The following KHDRBS2 variants were observed in gnomAD, a reference collection of about 807,000 sequenced individuals.
KHDRBS2 encodes the protein KH domain-containing, RNA-binding, signal transduction-associated protein 2.
In KHDRBS2, 26 loss-of-function variants were observed where a neutral mutation model predicts 44.3. The ratio of observed to expected loss-of-function variants is 0.59; its 90% CI spans 0.43 to 0.81. The LOEUF (loss-of-function observed/expected upper bound fraction) is 0.81. Ranked by LOEUF, KHDRBS2 falls within the 40% of genes least tolerant of loss-of-function variation. KHDRBS2 has a pLI of 0.00. For synonymous variants in KHDRBS2, 194 were observed against 151.1 expected, an observed-to-expected ratio of 1.28 and a Z score of -2.08; for missense variants, 476 against 433.1, an observed-to-expected ratio of 1.10 and a Z score of -0.88.
chr6:62,156,631 T>C (rs1220765390), intron 2 of KHDRBS2, among the ~76,000 whole-genome samples: 1 of 152,116 alleles, frequency 6.6e-6, no homozygotes, highest in African/African-American at 2.4e-5. Flanking sequence ...AAAAGTTAAT[T>C]TTGTAGCTTT....
intron 6 of KHDRBS2, among the ~76,000 whole-genome samples, chr6:61,774,170 A>G (rs904874096): frequency 2.9e-4 from 44 of 152,234 alleles, no homozygotes; most frequent in African/African-American, 9.4e-4. Flanking sequence ...GTTTTTTCCA[A>G]TTCTGTGAAG....
the KHDRBS2 span, among the ~76,000 whole-genome samples, chr6:61,570,453 C>T: frequency 1.3e-5 from 2 of 151,784 alleles, no homozygotes; most frequent in African/African-American, 4.8e-5. Context: ...AACTGTTGTT[C>T]CTGAAAAAGA....
intron 6 of KHDRBS2, among the ~76,000 whole-genome samples, chr6:61,819,761 G>A (rs1789584188): frequency 6.6e-6 from 1 of 151,984 alleles, no homozygotes; most frequent in Non-Finnish European, 1.5e-5. Flanking sequence ...ATGATGTTAA[G>A]AGATTTGAAA....
intron 6 of KHDRBS2, among the ~76,000 whole-genome samples, chr6:61,830,941 A>C (rs1443364686): frequency 6.6e-6 from 1 of 152,194 alleles, no homozygotes; most frequent in Non-Finnish European, 1.5e-5. Context: ...TAGGGGAAAA[A>C]TGTTCCTAAA....
At chr6:61,996,961 T>G (rs1777312135) in intron 3 of KHDRBS2, among the ~76,000 whole-genome samples, 1 of 152,100 alleles carries the variant, frequency 6.6e-6, no homozygotes, top group African/African-American at 2.4e-5. Flanking sequence ...TTTTGTATTT[T>G]TAGGAGAGAC....
At chr6:61,992,683 C>A (rs1776362290) in intron 3 of KHDRBS2, among the ~76,000 whole-genome samples, 1 of 152,054 alleles carries the variant, frequency 6.6e-6, no homozygotes, top group Non-Finnish European at 1.5e-5. Flanking sequence ...CTTTTAAAAT[C>A]ATATATAAAT....
intron 6 of KHDRBS2, among the ~76,000 whole-genome samples, chr6:61,741,065 T>TA (rs1395135546): frequency 6.6e-6 from 1 of 151,988 alleles, no homozygotes; most frequent in East Asian, 1.9e-4. Context: ...AGACCCCATT[T>TA]AAAAAAATCA....
At chr6:61,716,876 T>A (rs1394998197) in intron 7 of KHDRBS2, among the ~76,000 whole-genome samples, 1 of 152,102 alleles carries the variant, frequency 6.6e-6, no homozygotes, top group Non-Finnish European at 1.5e-5. Flanking sequence ...GATGATCTAA[T>A]GCTTCCTATT....
At chr6:62,258,155 T>G (rs1044669688) in intron 1 of KHDRBS2, among the ~76,000 whole-genome samples, 1 of 151,990 alleles carries the variant, frequency 6.6e-6, no homozygotes. Context: ...CTTACTTTAC[T>G]GTTCTAGGTG....
intron 4 of KHDRBS2, among the ~76,000 whole-genome samples, chr6:61,929,995 A>T (rs1325189018): frequency 2.6e-5 from 4 of 152,140 alleles, no homozygotes; most frequent in Non-Finnish European, 4.4e-5. Flanking sequence ...TAGTATTAAG[A>T]TGTAAGGCCT....
At chr6:62,073,514 G>C (rs780819682) in intron 2 of KHDRBS2, among the ~76,000 whole-genome samples, 36 of 134,700 alleles carry the variant, frequency 2.7e-4, no homozygotes, top group Non-Finnish European at 5.3e-4. Context: ...ATGGTTTGGT[G>C]ATTTTTTTCT....
intron 2 of KHDRBS2, among the ~76,000 whole-genome samples, chr6:62,134,871 C>T (rs560933241): frequency 1.8e-4 from 27 of 152,234 alleles, no homozygotes; most frequent in Admixed American, 7.2e-4. Flanking sequence ...ATTTATACAA[C>T]GCCTGTACTC....
intron 6 of KHDRBS2, among the ~76,000 whole-genome samples, chr6:61,735,791 G>A (rs1442187494): frequency 6.6e-6 from 1 of 151,228 alleles, no homozygotes; most frequent in Non-Finnish European, 1.5e-5. Context: ...TGGTTGGGTA[G>A]AGAAGTCTAG....
At chr6:62,278,357 A>T (rs570993721) in intron 1 of KHDRBS2, among the ~76,000 whole-genome samples, 86 of 152,260 alleles carry the variant, frequency 5.6e-4, no homozygotes, top group African/African-American at 2.0e-3. Context: ...GGGAACAAAC[A>T]GCTTCACTAT....
At chr6:61,594,482 A>G in the KHDRBS2 span, among the ~76,000 whole-genome samples, 1 of 152,098 alleles carries the variant, frequency 6.6e-6, no homozygotes, top group South Asian at 2.1e-4. Flanking sequence ...TAGCATTTGC[A>G]AAAAGTTTTT....
chr6:62,199,950 T>A (rs922388170), intron 1 of KHDRBS2, among the ~76,000 whole-genome samples: 1 of 152,160 alleles, frequency 6.6e-6, no homozygotes, highest in African/African-American at 2.4e-5. Context: ...AACTATCTGA[T>A]CTTTGACAAG....
At chr6:61,955,638 A>G (rs938682764) in intron 4 of KHDRBS2, among the ~76,000 whole-genome samples, 10 of 144,222 alleles carry the variant, frequency 6.9e-5, no homozygotes, top group African/African-American at 2.3e-4. Context: ...ATGTGTATAT[A>G]CACGTATGTA....
intron 2 of KHDRBS2, among the ~76,000 whole-genome samples, chr6:62,095,931 A>T (rs1800500078): frequency 6.6e-6 from 1 of 151,854 alleles, no homozygotes; most frequent in South Asian, 2.1e-4. Flanking sequence ...TCATAAAGGG[A>T]TGTGGAATTT....
intron 3 of KHDRBS2, among the ~76,000 whole-genome samples, chr6:62,026,638 T>C (rs1411411339): frequency 6.6e-6 from 1 of 151,710 alleles, no homozygotes; most frequent in Non-Finnish European, 1.5e-5. Flanking sequence ...TATGATTATG[T>C]TGCCCCAGCT....
Sources: gnomAD v4.1 joint callset for allele counts (sites outside exome capture counted in the v4.1 genomes callset) on GRCh38, gnomAD v4.1.1 for gene constraint, MANE v1.5 for transcripts, NCBI Gene and HGNC (gene_info 2026-07-23, HGNC 2026-07-21) for gene names.